Variants in CCDC7 observed in about 807,000 individuals in gnomAD.
The protein encoded by CCDC7 is coiled-coil domain-containing protein 7.
Under a neutral mutation model 196.9 loss-of-function variants are expected in CCDC7, and 183 were observed. The ratio of observed to expected loss-of-function variants is 0.93; its 90% confidence interval spans 0.82 to 1.05. CCDC7 has a LOEUF of 1.05. Ranked by LOEUF, CCDC7 falls within the 50% of genes least tolerant of loss-of-function variation. The pLI is 0.00. For missense variants in CCDC7, 1,540 were observed against 1,482.2 expected, an observed-to-expected ratio of 1.04 and a Z score of -0.64; for synonymous variants, 525 against 484.6, an observed-to-expected ratio of 1.08 and a Z score of -1.10.
chr10:32,741,734 G>T (rs928474431), intron 28 of CCDC7, among the ~76,000 whole-genome samples: 1 of 151,916 alleles, frequency 6.6e-6, no homozygotes, highest in African/African-American at 2.4e-5. Context: ...TCTTACAACT[G>T]GTAATGTTTG....
chr10:32,659,187 G>C (rs917396906), intron 20 of CCDC7, among the ~76,000 whole-genome samples: 1 of 152,058 alleles, frequency 6.6e-6, no homozygotes, highest in Non-Finnish European at 1.5e-5. Flanking sequence ...TAAACCTCCT[G>C]TTAGGACTGC....
chr10:32,875,292 TC>T (rs1206465726), intron 41 of CCDC7, among the ~76,000 whole-genome samples: 2 of 152,060 alleles, frequency 1.3e-5, no homozygotes, highest in African/African-American at 4.8e-5. Flanking sequence ...CTTTAATCCA[TC>T]TTGAGTTAAT....
intron 29 of CCDC7, among the ~76,000 whole-genome samples, chr10:32,791,281 G>A (rs1172936987): frequency 1.3e-5 from 2 of 151,718 alleles, no homozygotes; most frequent in Non-Finnish European, 2.9e-5. Context: ...GTTTGGAAAG[G>A]AGACTGCTCT....
chr10:32,554,558 G>A (rs1271462255), intron 13 of CCDC7, among the ~76,000 whole-genome samples: 1 of 152,168 alleles, frequency 6.6e-6, no homozygotes, highest in African/African-American at 2.4e-5. Context: ...AGTAAGGTCA[G>A]AAACTTTTCC....
At chr10:32,788,585 C>T (rs1592756586) in intron 29 of CCDC7, among the ~76,000 whole-genome samples, 1 of 152,174 alleles carries the variant, frequency 6.6e-6, no homozygotes, top group East Asian at 1.9e-4. Context: ...GGCTGGCTCT[C>T]ACAACTCCAG....
chr10:32,795,022 G>A (rs2083328715), intron 29 of CCDC7, among the ~76,000 whole-genome samples: 1 of 152,016 alleles, frequency 6.6e-6, no homozygotes, highest in Admixed American at 6.6e-5. Flanking sequence ...TTTAGTCTTG[G>A]CATCTGGATC....
At chr10:32,872,521 GC>G (rs1243747051) in intron 41 of CCDC7, among the ~76,000 whole-genome samples, 2 of 152,036 alleles carry the variant, frequency 1.3e-5, no homozygotes, top group Admixed American at 6.6e-5. Flanking sequence ...TTTAATTGGA[GC>G]ATTTTGCCTA....
At chr10:32,662,332 G>A (rs574894852) in intron 20 of CCDC7, among the ~76,000 whole-genome samples, 1 of 152,194 alleles carries the variant, frequency 6.6e-6, no homozygotes, top group Non-Finnish European at 1.5e-5. Context: ...GTGTTCAGCA[G>A]ATTTTTGGTT....
chr10:32,655,889 A>G (rs2069737932), intron 20 of CCDC7, among the ~76,000 whole-genome samples: 1 of 152,200 alleles, frequency 6.6e-6, no homozygotes, highest in Non-Finnish European at 1.5e-5. Flanking sequence ...CTTTTTGTAC[A>G]TCTTTAAATT....
At chr10:32,752,661 A>G (rs991032237) in intron 28 of CCDC7, among the ~76,000 whole-genome samples, 2 of 152,204 alleles carry the variant, frequency 1.3e-5, no homozygotes, top group Non-Finnish European at 2.9e-5. Context: ...TAGGCCTGTG[A>G]AAAGTTTGCT....
intron 21 of CCDC7, among the ~76,000 whole-genome samples, chr10:32,668,621 G>C (rs535374576): frequency 1.4e-4 from 21 of 152,206 alleles, no homozygotes; most frequent in Non-Finnish European, 3.1e-4. Flanking sequence ...TGCATCTATT[G>C]AGATAATCAT....
At chr10:32,840,682 C>CA (rs111290611) in intron 33 of CCDC7, among the ~76,000 whole-genome samples, 7,056 of 151,966 alleles carry the variant, frequency 0.046, 173 homozygotes, top group African/African-American at 0.055. Flanking sequence ...ATACCAAAAC[C>CA]AGGGAAGGAC....
intron 32 of CCDC7, among the ~76,000 whole-genome samples, chr10:32,828,493 A>G (rs2091644355): frequency 2.2e-5 from 2 of 90,842 alleles, no homozygotes; most frequent in Non-Finnish European, 4.6e-5. Context: ...GAGGAAGAAG[A>G]AGAAGAAGAA....
intron 9 of CCDC7, chr10:32,511,187 A>G (rs2046056017): frequency 6.7e-6 from 4 of 595,082 alleles, no homozygotes; most frequent in African/African-American, 2.1e-5. Flanking sequence ...AGCTTTACAT[A>G]TTTACTGTGA....
At chr10:32,577,620 C>T (rs2137291588) in intron 16 of CCDC7, among the ~76,000 whole-genome samples, 1 of 152,236 alleles carries the variant, frequency 6.6e-6, no homozygotes, top group South Asian at 2.1e-4. Context: ...AGAGGCTTTT[C>T]CATTAGTGAA....
chr10:32,497,234 G>T (rs767519855), intron 9 of CCDC7, among the ~76,000 whole-genome samples: 3 of 152,292 alleles, frequency 2.0e-5, no homozygotes, highest in Non-Finnish European at 4.4e-5. Context: ...GATCTGTGGT[G>T]ATATTCCCTT....
rs555645706 is a variant in CCDC7 at position 32,781,836 on chromosome 10, T to C, written c.3013+2752T>C. On this transcript the variant is annotated intron_variant, in intron 29 of 41. Coordinates refer to ENST00000639629, the Ensembl canonical transcript of CCDC7. The stretch of plus-strand genomic sequence containing the variant: ...GAATAGAAGACAGGTAGATGATAGA[T>C]AGTTAACATCCAAACTGGAAAGGAA... Among the ~76,000 whole-genome samples, 5 of 152,336 alleles carry C rather than the reference T, an allele frequency of 3.3e-5. No homozygotes were observed. The South Asian group carries it at 8.3e-4, about 25-fold the overall frequency.
intron 9 of CCDC7, among the ~76,000 whole-genome samples, chr10:32,505,661 T>C (rs7896409): frequency 0.79 from 119,112 of 151,604 alleles, 47,065 homozygotes; most frequent in Non-Finnish European, 0.83. Context: ...AAACCGCCAC[T>C]GTCATCATGG....
intron 9 of CCDC7, chr10:32,511,735 T>G: frequency 6.3e-7 from 1 of 1,579,098 alleles, no homozygotes; most frequent in South Asian, 1.1e-5. Context: ...TTTCTTCACC[T>G]GCCGTTATGG....
Sources: allele counts gnomAD v4.1 joint callset (sites outside exome capture counted in the v4.1 genomes callset), GRCh38; gene constraint gnomAD v4.1.1; transcripts MANE v1.5; gene names NCBI Gene and HGNC (gene_info 2026-07-23, HGNC 2026-07-21).